KIR3DL2: variants seen among roughly 807,000 people sequenced by gnomAD.
KIR3DL2 encodes killer cell immunoglobulin-like receptor 3DL2.
Under a neutral mutation model 41.6 loss-of-function variants are expected in KIR3DL2, and 42 were observed. The ratio of observed to expected loss-of-function variants is 1.01; its 90% CI spans 0.79 to 1.31. The LOEUF (loss-of-function observed/expected upper bound fraction) is 1.31. KIR3DL2 is among the 50% of genes most tolerant of loss of function. KIR3DL2 has a pLI of 0.00. For synonymous variants in KIR3DL2, 230 were observed against 221.3 expected, an observed-to-expected ratio of 1.04 and a Z score of -0.35; for missense variants, 728 against 576.8, an observed-to-expected ratio of 1.26 and a Z score of -2.68.
intron 6 of KIR3DL2, 105 bp from the exon 7 acceptor site, chr19:54,865,700 C>T: frequency 3.0e-6 from 3 of 1,010,178 alleles, no homozygotes; most frequent in Non-Finnish European, 3.1e-6. Flanking sequence ...GGCTGCTTGT[C>T]CTAAGGAGAT....
At chr19:54,850,742 GTGGAGATATGGGCCTGGA>G (rs2064134116) in intron 1 of KIR3DL2, among the ~76,000 whole-genome samples, 1 of 128,094 alleles carries the variant, frequency 7.8e-6, no homozygotes, top group East Asian at 2.4e-4. Flanking sequence ...CGGGCCTGGA[GTGGAGATATGGGCCTGGA>G]GTGGAGATAT....
At chr19:54,862,192 A>G (rs1041357605) in intron 6 of KIR3DL2, among the ~76,000 whole-genome samples, 6 of 152,124 alleles carry the variant, frequency 3.9e-5, no homozygotes, top group African/African-American at 1.4e-4. Context: ...CACGTTTCAC[A>G]TGGGCTTCAT....
At chr19:54,864,155 T>C (rs528477192) in intron 6 of KIR3DL2, among the ~76,000 whole-genome samples, 8 of 152,082 alleles carry the variant, frequency 5.3e-5, no homozygotes, top group African/African-American at 1.9e-4. Context: ...TTGTCAAAGA[T>C]CACATAGTTG....
At chr19:54,853,037 G>A (rs1265874968) in intron 3 of KIR3DL2, among the ~76,000 whole-genome samples, 1 of 151,128 alleles carries the variant, frequency 6.6e-6, no homozygotes, top group African/African-American at 2.5e-5. Context: ...TTGAACCGGG[G>A]AGGCAGAGGT....
intron 2 of KIR3DL2, 82 bp downstream of exon 2, chr19:54,851,337 A>G: frequency 6.8e-7 from 1 of 1,477,368 alleles, no homozygotes; most frequent in South Asian, 1.1e-5. Flanking sequence ...CCTGTCGGGG[A>G]GTCTCTCATA....
Position 54,867,048 on chromosome 19 carries a change from T to G in KIR3DL2, c.*317T>G. 2.4e-6 allele frequency: 1 copy of G among 416,544 alleles called. No individual in the cohort carries two copies. Among genetic ancestry groups the G allele is most frequent in the Admixed American group, 4.2e-5 (1 of 24,042 alleles). 25.8% of individuals were successfully genotyped at this position (416,544 alleles called of 1,614,324 possible). A position where few individuals can be genotyped will look rare whatever the true frequency, so the allele number is the denominator to read the frequency against. Reference sequence around the variant, plus strand: ...AATTCCAAACATACAAGAGGCTCCCTCTTAACACGGCACTTACACACTTGC... The same window carrying G: ...AATTCCAAACATACAAGAGGCTCCCGCTTAACACGGCACTTACACACTTGC... On this transcript the variant is annotated 3_prime_UTR_variant, in exon 9 of 9. Coordinates refer to ENST00000326321, the MANE Select transcript of KIR3DL2 (RefSeq NM_006737.4).
intron 6 of KIR3DL2, among the ~76,000 whole-genome samples, chr19:54,860,465 G>T (rs1231794513): frequency 6.6e-6 from 1 of 151,988 alleles, no homozygotes; most frequent in Non-Finnish European, 1.5e-5. Flanking sequence ...CCACCTCCTG[G>T]GCTGAACTGA....
chr19:54,850,558 C>T (rs748953179), intron 1 of KIR3DL2, 49 bp downstream of exon 1: 10 of 1,589,808 alleles, frequency 6.3e-6, no homozygotes, highest in East Asian at 4.5e-5. Context: ...ATGGAGATCT[C>T]GGCCTAGAGG....
intron 6 of KIR3DL2, among the ~76,000 whole-genome samples, chr19:54,862,360 G>A (rs1361306220): frequency 1.3e-5 from 2 of 152,138 alleles, no homozygotes; most frequent in Non-Finnish European, 2.9e-5. Flanking sequence ...TCCCAGTCCA[G>A]TCTTTCCAGA....
chr19:54,856,433 C>A (rs1213414451), intron 5 of KIR3DL2, among the ~76,000 whole-genome samples: 1 of 151,576 alleles, frequency 6.6e-6, no homozygotes, highest in Non-Finnish European at 1.5e-5. Flanking sequence ...GTAATCTTGG[C>A]GCTTTGAGAG....
intron 5 of KIR3DL2, among the ~76,000 whole-genome samples, chr19:54,858,531 C>T (rs1185284814): frequency 2.0e-5 from 3 of 150,922 alleles, no homozygotes; most frequent in African/African-American, 7.4e-5. Flanking sequence ...GAGTTCAAGA[C>T]CAGGCTGGCC....
chr19:54,863,170 G>A (rs1234552797), intron 6 of KIR3DL2, among the ~76,000 whole-genome samples: 1 of 151,396 alleles, frequency 6.6e-6, no homozygotes, highest in East Asian at 1.9e-4. Flanking sequence ...CCATGTCCCT[G>A]CAAAGGACAT....
At chr19:54,860,394 G>A (rs532625348) in intron 6 of KIR3DL2, among the ~76,000 whole-genome samples, 30 of 151,920 alleles carry the variant, frequency 2.0e-4, no homozygotes, top group Non-Finnish European at 4.4e-4. Context: ...TTATTGAGAC[G>A]GAGCCTTGCT....
Position 54,853,846 on chromosome 19 carries a change from A to T in KIR3DL2, c.455A>T (p.His152Leu). ...TGTTGGTCAGATGTCATGTTTGAGCACTTCTTTCTGCACAGAGAGGGGATC... is the reference window on the plus strand; with the variant it reads ...TGTTGGTCAGATGTCATGTTTGAGCTCTTCTTTCTGCACAGAGAGGGGATC... ...LQCWSDVMFE[H>L]FFLHREGISE... is the part of the protein sequence containing the mutation. Residue 152 changes from histidine to leucine, a missense_variant, in exon 4 of 9, where the codon CAC (histidine) becomes CTC (leucine). Transcript: ENST00000326321. 6.2e-7 allele frequency: 1 copy of T among 1,613,292 alleles called. No homozygotes were observed. Among genetic ancestry groups the T allele is most frequent in the Non-Finnish European group, 8.5e-7 (1 of 1,179,742 alleles).
intron 3 of KIR3DL2, among the ~76,000 whole-genome samples, chr19:54,853,413 G>T (rs2064458981): frequency 6.6e-6 from 1 of 151,792 alleles, no homozygotes; most frequent in Admixed American, 6.5e-5. Context: ...ATTGATTCAG[G>T]CTGCTGAGAG....
Position 54,854,064 on chromosome 19 carries a change from T to C in KIR3DL2, c.655+18T>C. 6.2e-7 allele frequency: 1 copy of C among 1,610,848 alleles called. No homozygotes were observed. The highest frequency in any genetic ancestry group is 1.7e-5 in the Admixed American group (1 of 59,954). Reference sequence around the variant, plus strand: ...GATCACAGGTGAGAGTGTCCAGACATTCTTCTCATTGTCATTGGGACACAG... The same window carrying C: ...GATCACAGGTGAGAGTGTCCAGACACTCTTCTCATTGTCATTGGGACACAG... On this transcript the variant is annotated intron_variant, in intron 4 of 8. Transcript: ENST00000326321.
rs1253858492 is a variant in KIR3DL2, at chr19:54,853,856, G to A, written c.465G>A (p.Leu155=). Residue 155 remains leucine (L), a synonymous_variant, in exon 4 of 9, where the codon CTG becomes CTA. Coordinates refer to ENST00000326321, the MANE Select transcript of KIR3DL2 (RefSeq NM_006737.4). The part of the protein sequence containing the change: ...WSDVMFEHFF[L]HREGISEDPS... ...ATGTCATGTTTGAGCACTTCTTTCTGCACAGAGAGGGGATCTCTGAGGACC... is the reference window on the plus strand; with the variant it reads ...ATGTCATGTTTGAGCACTTCTTTCTACACAGAGAGGGGATCTCTGAGGACC... 3 of 1,613,142 alleles carry A rather than the reference G, an allele frequency of 1.9e-6. No homozygotes were observed. The highest frequency in any genetic ancestry group is 2.5e-6 in the Non-Finnish European group (3 of 1,179,746).
chr19:54,851,957 C>T, intron 2 of KIR3DL2, 41 bp from the exon 3 acceptor site: 2 of 1,597,960 alleles, frequency 1.3e-6, no homozygotes, highest in Non-Finnish European at 1.7e-6. Context: ...AGGGGTGGCT[C>T]CACATCCTCC....
In KIR3DL2 at chr19:54,851,425, G is replaced by A. The variant is rs112467345; in HGVS notation, c.70+170G>A. Among the ~76,000 whole-genome samples the A allele has an allele frequency of 9.4e-3, 1,427 of 151,038 alleles. 20 individuals are homozygous for A. Among genetic ancestry groups the A allele is most frequent in the Non-Finnish European group, 0.013 (902 of 67,900 alleles). On this transcript the variant is annotated intron_variant, in intron 2 of 8. Coordinates refer to ENST00000326321, the MANE Select transcript of KIR3DL2 (RefSeq NM_006737.4). ...TCCCTGGCCTTTCTTTCCCTTTCCT[G>A]AGTCAAGCTCTGTGAAGACTGGGGT... is the stretch of plus-strand genomic sequence containing the variant.
Sources: allele counts gnomAD v4.1 joint callset (sites outside exome capture counted in the v4.1 genomes callset), GRCh38; gene constraint gnomAD v4.1.1; transcripts MANE v1.5; gene names NCBI Gene and HGNC (gene_info 2026-07-23, HGNC 2026-07-21).